The following NT5DC1 variants were observed in gnomAD, a reference collection of about 807,000 sequenced individuals.
NT5DC1 encodes the protein 5'-nucleotidase domain containing 1, also known as 5'-nucleotidase domain-containing protein 1.
Under a neutral mutation model 59.4 loss-of-function variants are expected in NT5DC1, and 42 were observed. The observed-to-expected ratio is 0.71, with a 90% confidence interval of 0.55 to 0.92. The LOEUF is 0.92. Ranked by LOEUF, NT5DC1 falls within the 40% of genes least tolerant of loss-of-function variation. The pLI is 0.00. For missense variants in NT5DC1, 501 were observed against 537.1 expected (o/e 0.93, Z 0.66); for synonymous variants, 172 against 188.1 (o/e 0.91, Z 0.70).
At position 116,168,628 on chromosome 6, in the gene NT5DC1, A is replaced by T. The variant is rs73774207; in HGVS notation, c.529+50683A>T. Among the ~76,000 whole-genome samples the T allele has an allele frequency of 5.9e-3, 868 of 148,128 alleles. 17 individuals carry two copies. The highest frequency in any genetic ancestry group is 0.048 in the South Asian group (224 of 4,654). ...GTCGTGTATTTTCCCCCTTTTTTTGATTGTTTGTTTTGTTTTTATATTATA... is the reference window on the plus strand; with the variant it reads ...GTCGTGTATTTTCCCCCTTTTTTTGTTTGTTTGTTTTGTTTTTATATTATA... On this transcript the variant is annotated intron_variant, in intron 6 of 11. Coordinates refer to ENST00000319550, the MANE Select transcript of NT5DC1 (RefSeq NM_152729.3).
At chr6:116,188,581 T>G (rs1781052013) in intron 6 of NT5DC1, among the ~76,000 whole-genome samples, 2 of 151,980 alleles carry the variant, frequency 1.3e-5, no homozygotes, top group Non-Finnish European at 2.9e-5. Flanking sequence ...GATATTAAAA[T>G]GGGTTACACT....
At chr6:116,216,767 A>G (rs1562169075) in intron 6 of NT5DC1, among the ~76,000 whole-genome samples, 3 of 152,098 alleles carry the variant, frequency 2.0e-5, no homozygotes, top group Admixed American at 2.0e-4. Flanking sequence ...TATCTCTTTT[A>G]TCCTCCAACA....
intron 6 of NT5DC1, among the ~76,000 whole-genome samples, chr6:116,210,834 T>C (rs576784704): frequency 5.5e-4 from 84 of 152,156 alleles, no homozygotes; most frequent in African/African-American, 1.6e-3. Flanking sequence ...ATGCTTAAAA[T>C]TCCCACAGAG....
intron 6 of NT5DC1, among the ~76,000 whole-genome samples, chr6:116,171,461 A>G (rs1236943575): frequency 6.6e-6 from 1 of 152,216 alleles, no homozygotes; most frequent in African/African-American, 2.4e-5. Flanking sequence ...GTGGTGGTAA[A>G]GATGATTATT....
At chr6:116,163,607 T>C (rs1422963169) in intron 6 of NT5DC1, among the ~76,000 whole-genome samples, 2 of 152,168 alleles carry the variant, frequency 1.3e-5, no homozygotes, top group Admixed American at 1.3e-4. Flanking sequence ...GATATTTTAG[T>C]CTCAATTGTA....
At chr6:116,185,817 T>C (rs1780982426) in intron 6 of NT5DC1, among the ~76,000 whole-genome samples, 1 of 152,118 alleles carries the variant, frequency 6.6e-6, no homozygotes, top group Admixed American at 6.6e-5. Context: ...TTCTTAGCCA[T>C]TCTGTCATTC....
At chr6:116,215,219 T>A (rs1485415146) in intron 6 of NT5DC1, among the ~76,000 whole-genome samples, 1 of 152,186 alleles carries the variant, frequency 6.6e-6, no homozygotes, top group Non-Finnish European at 1.5e-5. Flanking sequence ...GGAGGACACA[T>A]GCTTCTTACC....
intron 6 of NT5DC1, among the ~76,000 whole-genome samples, chr6:116,170,535 T>A (rs773178393): frequency 8.5e-5 from 13 of 152,196 alleles, no homozygotes; most frequent in Non-Finnish European, 1.6e-4. Context: ...GTACGTAAAG[T>A]ACCTGACTCA....
At chr6:116,150,263 A>G (rs919783404) in intron 6 of NT5DC1, among the ~76,000 whole-genome samples, 2 of 151,126 alleles carry the variant, frequency 1.3e-5, no homozygotes, top group Non-Finnish European at 3.0e-5. Context: ...AGTTAAGAAA[A>G]TGGTTTTTTT....
At chr6:116,104,487 G>A (rs1321904278) in intron 1 of NT5DC1, among the ~76,000 whole-genome samples, 1 of 152,208 alleles carries the variant, frequency 6.6e-6, no homozygotes, top group Non-Finnish European at 1.5e-5. Flanking sequence ...TTAGGGGCTT[G>A]TGAAAGCCAA....
At chr6:116,118,313 G>A (rs905579878) in intron 6 of NT5DC1, among the ~76,000 whole-genome samples, 9 of 152,088 alleles carry the variant, frequency 5.9e-5, no homozygotes, top group East Asian at 1.9e-4. Flanking sequence ...AATGTCTGCC[G>A]GCAGAAATTT....
At chr6:116,205,018 A>C (rs572272611) in intron 6 of NT5DC1, among the ~76,000 whole-genome samples, 1 of 152,026 alleles carries the variant, frequency 6.6e-6, no homozygotes, top group Non-Finnish European at 1.5e-5. Context: ...TGTGAACTAC[A>C]TATGTGTGTA....
At chr6:116,240,362 T>C (rs538489279) in intron 11 of NT5DC1, among the ~76,000 whole-genome samples, 6 of 152,356 alleles carry the variant, frequency 3.9e-5, no homozygotes, top group Admixed American at 3.9e-4. Context: ...ATAATAACTA[T>C]TTACATAGCA....
intron 6 of NT5DC1, chr6:116,121,982 A>C: frequency 6.3e-7 from 1 of 1,598,224 alleles, no homozygotes; most frequent in Non-Finnish European, 8.5e-7. Flanking sequence ...CACCCAACAC[A>C]CCCACCCATA....
At chr6:116,154,728 A>T (rs1780140242) in intron 6 of NT5DC1, among the ~76,000 whole-genome samples, 1 of 152,174 alleles carries the variant, frequency 6.6e-6, no homozygotes, top group Non-Finnish European at 1.5e-5. Context: ...ATAATTTCTC[A>T]TTCATTCTAT....
intron 8 of NT5DC1, among the ~76,000 whole-genome samples, chr6:116,233,977 GTTTT>G (rs34646243): frequency 9.1e-6 from 1 of 109,860 alleles, no homozygotes; most frequent in Admixed American, 1.1e-4. Context: ...TCTTATAACT[GTTTT>G]TTTTTTTTTT....
chr6:116,130,457 T>A (rs1182170484), intron 6 of NT5DC1, among the ~76,000 whole-genome samples: 1 of 152,034 alleles, frequency 6.6e-6, no homozygotes, highest in Non-Finnish European at 1.5e-5. Flanking sequence ...TAGTTTTTTT[T>A]ATAGCTTCTT....
At chr6:116,187,225 C>T (rs1781019849) in intron 6 of NT5DC1, among the ~76,000 whole-genome samples, 1 of 152,050 alleles carries the variant, frequency 6.6e-6, no homozygotes, top group African/African-American at 2.4e-5. Flanking sequence ...GTATTCAGGT[C>T]TCTTAGCTGT....
intron 6 of NT5DC1, among the ~76,000 whole-genome samples, chr6:116,139,789 T>C (rs1221025895): frequency 2.0e-5 from 3 of 152,136 alleles, no homozygotes; most frequent in Non-Finnish European, 4.4e-5. Context: ...AATATTAATA[T>C]TAAGACATCT....
Sources: gnomAD v4.1 joint callset for allele counts (sites outside exome capture counted in the v4.1 genomes callset) on GRCh38, gnomAD v4.1.1 for gene constraint, MANE v1.5 for transcripts, NCBI Gene and HGNC (gene_info 2026-07-23, HGNC 2026-07-21) for gene names.